EEF1E1: variants seen among roughly 807,000 people sequenced by gnomAD.
The protein encoded by EEF1E1 is eukaryotic translation elongation factor 1 epsilon 1, also known as eukaryotic translation elongation factor 1 epsilon-1.
In EEF1E1, 19 loss-of-function variants were observed where a neutral mutation model predicts 19.9. The ratio of observed to expected loss-of-function variants is 0.95; its 90% CI spans 0.66 to 1.40. EEF1E1 has a LOEUF of 1.40. Among genes scored for constraint, EEF1E1 ranks in the 40% most tolerant of loss-of-function variants. EEF1E1 has a pLI of 0.00. For synonymous variants in EEF1E1, 81 were observed against 80.0 expected (o/e 1.01, Z -0.07); for missense variants, 198 against 202.2 (o/e 0.98, Z 0.13).
chr6:8,099,787 C>CAAA (rs749096630), intron 1 of EEF1E1, among the ~76,000 whole-genome samples: 34 of 81,632 alleles, frequency 4.2e-4, no homozygotes, highest in Admixed American at 1.4e-3. Flanking sequence ...CACACACACA[C>CAAA]ACACAAAAAA....
rs982606522 is a variant in EEF1E1, at chr6:8,093,162, G to A, written c.289-2881C>T. ...GCTGGGATTACAGGCGTGAGCCACC[G>A]TGCCCGGCCAAGACTCTTAAAAATG... On this transcript the variant is annotated intron_variant, in intron 2 of 3. Transcript: ENST00000379715. 2.1e-4 allele frequency among the ~76,000 whole-genome samples: 32 copies of A among 151,944 alleles called. 1 individual carries two copies. The highest frequency in any genetic ancestry group is 5.9e-5 in the Non-Finnish European group (4 of 67,990).
chr6:8,094,599 A>C (rs1758114533), intron 2 of EEF1E1, among the ~76,000 whole-genome samples: 1 of 152,066 alleles, frequency 6.6e-6, no homozygotes. Context: ...TAGGCTAAGG[A>C]AACAAATGGG....
At chr6:8,101,123 G>A (rs1758337856) in intron 1 of EEF1E1, among the ~76,000 whole-genome samples, 1 of 147,016 alleles carries the variant, frequency 6.8e-6, no homozygotes, top group Non-Finnish European at 1.5e-5. Flanking sequence ...CTACTTGGGA[G>A]GCTGAAGCAG....
chr6:8,101,243 A>AAAAAATATATAT (rs1271033598), intron 1 of EEF1E1, among the ~76,000 whole-genome samples: 3 of 58,472 alleles, frequency 5.1e-5, no homozygotes, highest in East Asian at 1.1e-3. Flanking sequence ...AAAAAAAAAA[A>AAAAAATATATAT]ATATATATAT....
At chr6:8,098,384 C>T (rs1758233761) in intron 1 of EEF1E1, among the ~76,000 whole-genome samples, 1 of 152,128 alleles carries the variant, frequency 6.6e-6, no homozygotes, top group Non-Finnish European at 1.5e-5. Context: ...TCCCAAAGTG[C>T]TAGGATTACA....
chr6:8,078,829 T>C (rs1757659125), downstream of EEF1E1: 1 of 1,154,462 alleles, frequency 8.7e-7, no homozygotes, highest in Non-Finnish European at 1.1e-6. Flanking sequence ...TAATCCTAAT[T>C]TAGCATTATC....
rs144238808 is a variant in EEF1E1, at chr6:8,073,541, C to T, written c.385-31G>A. 3.3e-4 allele frequency: 506 copies of T among 1,551,330 alleles called. 5 individuals carry two copies. The African/African-American group carries it at 6.3e-3, about 19-fold the overall frequency. ...AAAGGGGATAAAAAAGGAGTTAATT[C>T]ACTTAAAGCACTTAGAATAGTGCCT... On this transcript the variant is annotated intron_variant, in intron 3 of 3. Transcript: ENST00000429723.
At chr6:8,099,826 A>G (rs1344168764) in intron 1 of EEF1E1, among the ~76,000 whole-genome samples, 1 of 151,504 alleles carries the variant, frequency 6.6e-6, no homozygotes, top group African/African-American at 2.4e-5. Context: ...ATGTTCACAC[A>G]TGATGAAACT....
In EEF1E1 at chr6:8,097,211, A is replaced by G. The variant is rs1039353171; in HGVS notation, c.288+56T>C. The G allele has an allele frequency of 2.6e-6, 4 of 1,529,262 alleles. No homozygotes were observed. In the African/African-American group the frequency reaches 5.5e-5, roughly 21 times the overall value. The allele number at this position is 1,529,262 out of a possible 1,614,324, so 94.7% of individuals were successfully genotyped here. ...GCTACAGCTTTTTAATCTCAGGGGA[A>G]AGAGATTTCTGATTAACAGTTCATG... On this transcript the variant is annotated intron_variant, in intron 2 of 3. Transcript: ENST00000379715.
chr6:8,079,481 A>G lies in EEF1E1; in HGVS notation c.*409T>C, dbSNP rs1426675366. The G allele has an allele frequency of 1.0e-6, 1 of 989,714 alleles. No individual in the cohort carries two copies. The highest frequency in any genetic ancestry group is 5.9e-5 in the Admixed American group (1 of 17,076). The allele number at this position is 989,714 out of a possible 1,614,324, so 61.3% of individuals were successfully genotyped here. A position where few individuals can be genotyped will look rare whatever the true frequency, so the allele number is the denominator to read the frequency against. On this transcript the variant is annotated 3_prime_UTR_variant, in exon 4 of 4. Coordinates refer to ENST00000379715, the MANE Select transcript of EEF1E1 (RefSeq NM_004280.5). Reference sequence around the variant, plus strand: ...CCTTTTGGCTTCCTTGGCACAATTTATCAGTTCTTAACAAACTACCATAAA... The same window carrying G: ...CCTTTTGGCTTCCTTGGCACAATTTGTCAGTTCTTAACAAACTACCATAAA...
In EEF1E1 at chr6:8,082,771, T is replaced by C. The variant is rs745416060; in HGVS notation, c.385-2741A>G. Among the ~76,000 whole-genome samples, 7 of 152,236 alleles carry C rather than the reference T, an allele frequency of 4.6e-5. No homozygotes were observed. The East Asian group carries it at 5.8e-4, about 13-fold the overall frequency. ...AGTTTAAACTTTGGAACTTGTCCCTTTGAGTCTGAGATAATTATGAATGAC... is the reference window on the plus strand; with the variant it reads ...AGTTTAAACTTTGGAACTTGTCCCTCTGAGTCTGAGATAATTATGAATGAC... On this transcript the variant is annotated intron_variant, in intron 3 of 3. Transcript: ENST00000379715.
At chr6:8,098,332 C>T (rs1233083575) in intron 1 of EEF1E1, among the ~76,000 whole-genome samples, 1 of 151,986 alleles carries the variant, frequency 6.6e-6, no homozygotes, top group African/African-American at 2.4e-5. Flanking sequence ...GTTGGTCAGG[C>T]TGGTCTGGAA....
At chr6:8,076,385 T>G (rs1003206769), downstream of EEF1E1, among the ~76,000 whole-genome samples, 7 of 151,810 alleles carry the variant, frequency 4.6e-5, no homozygotes, top group Middle Eastern at 3.2e-3. Context: ...GTGCAGTGGC[T>G]TGATCTCGGC....
intron 1 of EEF1E1, among the ~76,000 whole-genome samples, chr6:8,098,745 C>T (rs1304355076): frequency 6.6e-6 from 1 of 152,156 alleles, no homozygotes; most frequent in African/African-American, 2.4e-5. Flanking sequence ...GGGTGGTTAC[C>T]TGAGTGTGTG....
downstream of EEF1E1, among the ~76,000 whole-genome samples, chr6:8,078,981 AT>A (rs1303045790): frequency 2.0e-5 from 3 of 152,152 alleles, no homozygotes; most frequent in Non-Finnish European, 4.4e-5. Flanking sequence ...CGAAGACCCC[AT>A]TTTTCTCATT....
chr6:8,089,393 G>A (rs1338027370), intron 3 of EEF1E1, among the ~76,000 whole-genome samples: 1 of 152,116 alleles, frequency 6.6e-6, no homozygotes, highest in Non-Finnish European at 1.5e-5. Flanking sequence ...ACAATCACAA[G>A]GTCCCACAAC....
intron 3 of EEF1E1, among the ~76,000 whole-genome samples, chr6:8,085,729 T>A (rs1159331908): frequency 1.3e-5 from 2 of 152,226 alleles, no homozygotes; most frequent in Non-Finnish European, 2.9e-5. Context: ...TATCATAAGC[T>A]TTCCAAAACA....
At chr6:8,078,341 G>C (rs755291323), downstream of EEF1E1, among the ~76,000 whole-genome samples, 5 of 152,068 alleles carry the variant, frequency 3.3e-5, no homozygotes, top group Admixed American at 2.0e-4. Flanking sequence ...CTGGTCAGTG[G>C]AGCAGTCAGA....
intron 2 of EEF1E1, among the ~76,000 whole-genome samples, chr6:8,094,349 C>T (rs1265349768): frequency 6.6e-6 from 1 of 151,970 alleles, no homozygotes; most frequent in African/African-American, 2.4e-5. Flanking sequence ...GTAATCCCAA[C>T]ACTTCAGGAG....
Sources: gnomAD v4.1 joint callset for allele counts (sites outside exome capture counted in the v4.1 genomes callset) on GRCh38, gnomAD v4.1.1 for gene constraint, MANE v1.5 for transcripts, NCBI Gene and HGNC (gene_info 2026-07-23, HGNC 2026-07-21) for gene names.